Variants in CCDC170 observed in about 807,000 individuals in gnomAD.
CCDC170 encodes coiled-coil domain-containing protein 170.
In CCDC170, 69 loss-of-function variants were observed where a neutral mutation model predicts 72.6. The observed-to-expected ratio is 0.95, with a 90% CI of 0.78 to 1.16. The LOEUF is 1.16. Among genes scored for constraint, CCDC170 ranks in the 50% most tolerant of loss-of-function variants. The probability of loss-of-function intolerance (pLI) is 0.00; values close to 1 mark genes in which losing one functional copy is unlikely to be tolerated. For missense variants in CCDC170, 852 were observed against 832.5 expected (o/e 1.02, Z -0.29); for synonymous variants, 300 against 303.9 (o/e 0.99, Z 0.13).
chr6:151,526,113 T>TTCCTTTCTTCCTTCCTTCCTTCCC, intron 1 of CCDC170, among the ~76,000 whole-genome samples: 1 of 149,274 alleles, frequency 6.7e-6, no homozygotes, highest in Non-Finnish European at 1.5e-5. Flanking sequence ...CCTTCCTTCC[T>TTCCTTTCTTCCTTCCTTCCTTCCC]TCCTTTCTTC....
chr6:151,501,164 C>A (rs976527668), intron 1 of CCDC170, among the ~76,000 whole-genome samples: 3 of 126,066 alleles, frequency 2.4e-5, no homozygotes, highest in Non-Finnish European at 3.8e-5. Context: ...AAAATAATGA[C>A]TATCTAATTA....
At position 151,620,146 on chromosome 6, in the gene CCDC170, C is replaced by G. The variant is rs1191989160; in HGVS notation, c.*1999C>G. ...TAAAATGGGAAAAAATAGTGAAGAT[C>G]TTCTTTTAGGAAAACTACCAATAAA... On this transcript the variant is annotated 3_prime_UTR_variant, in exon 11 of 11. Transcript: ENST00000239374. The G allele has an allele frequency of 8.1e-6, 1 of 123,940 alleles. No homozygotes were observed. Among genetic ancestry groups the G allele is most frequent in the African/African-American group, 3.1e-5 (1 of 32,620 alleles). The allele number at this position is 123,940 out of a possible 1,614,324, so 7.7% of individuals were successfully genotyped here.
chr6:151,499,755 T>C (rs573194025), intron 1 of CCDC170, among the ~76,000 whole-genome samples: 1 of 149,472 alleles, frequency 6.7e-6, no homozygotes, highest in Non-Finnish European at 1.5e-5. Context: ...CGTTTCTTCA[T>C]GATGTAACAT....
chr6:151,573,177 C>G lies in CCDC170; in HGVS notation c.778C>G (p.Leu260Val). The G allele has an allele frequency of 6.2e-7, 1 of 1,609,706 alleles. No homozygotes were observed. Among genetic ancestry groups the G allele is most frequent in the Non-Finnish European group, 8.5e-7 (1 of 1,178,050 alleles). ...TCACTTTCTGTAATCATTTTAGGAC[C>G]TGCTCAGTGCTGTAGAAGCAAAAGA... ...TEEKEKLNQD[L>V]LSAVEAKEAL... The change falls in exon 6 of 11, where the codon CTG becomes GTG. Residue 260 changes from leucine to valine, a missense_variant. Leu to Val is a conservative substitution (Grantham distance 32). Transcript: ENST00000239374.
At chr6:151,602,658 C>A (rs1045826757) in intron 9 of CCDC170, among the ~76,000 whole-genome samples, 1 of 152,156 alleles carries the variant, frequency 6.6e-6, no homozygotes, top group Admixed American at 6.5e-5. Flanking sequence ...CACATGCTCT[C>A]ACTCTTGCCT....
chr6:151,597,200 C>G (rs999559055), intron 9 of CCDC170, among the ~76,000 whole-genome samples: 1 of 151,974 alleles, frequency 6.6e-6, no homozygotes, highest in African/African-American at 2.4e-5. Context: ...TCTTGACTCA[C>G]TCACTGCAAA....
intron 1 of CCDC170, among the ~76,000 whole-genome samples, chr6:151,514,371 GGGAGGAA>G (rs1782202270): frequency 8.1e-6 from 1 of 122,906 alleles, no homozygotes; most frequent in African/African-American, 3.6e-5. Context: ...GAGGGAGGGA[GGGAGGAA>G]GGAAGGAAGG....
intron 3 of CCDC170, among the ~76,000 whole-genome samples, chr6:151,540,870 G>C (rs1442496225): frequency 6.6e-6 from 1 of 152,138 alleles, no homozygotes; most frequent in South Asian, 2.1e-4. Context: ...GCCTCTGACT[G>C]TGCCCCCTGC....
intron 9 of CCDC170, among the ~76,000 whole-genome samples, chr6:151,608,376 T>A (rs1284549341): frequency 6.6e-6 from 1 of 152,226 alleles, no homozygotes; most frequent in Non-Finnish European, 1.5e-5. Context: ...TACTTGCTTT[T>A]TTCATGTGTC....
chr6:151,592,991 T>C, intron 7 of CCDC170, 116 bp from the exon 8 acceptor site: 2 of 1,125,460 alleles, frequency 1.8e-6, no homozygotes, highest in Non-Finnish European at 2.6e-6. Context: ...CTCCGTTCCA[T>C]GCTCTCTGCA....
chr6:151,588,608 G>C (rs950137107), intron 7 of CCDC170, among the ~76,000 whole-genome samples: 6 of 152,284 alleles, frequency 3.9e-5, no homozygotes, highest in African/African-American at 1.4e-4. Context: ...TTTTCTGTTA[G>C]ATGTCTGTAA....
intron 9 of CCDC170, among the ~76,000 whole-genome samples, chr6:151,600,994 C>T (rs77522146): frequency 0.057 from 8,711 of 152,194 alleles, 299 homozygotes; most frequent in South Asian, 0.096. Flanking sequence ...CCATATAATA[C>T]GTGGCCTTTG....
At chr6:151,582,338 C>A (rs1562289869) in intron 6 of CCDC170, among the ~76,000 whole-genome samples, 3 of 152,182 alleles carry the variant, frequency 2.0e-5, no homozygotes, top group Admixed American at 6.5e-5. Context: ...GGCTTCTTTC[C>A]TTAAATCTCA....
intron 1 of CCDC170, among the ~76,000 whole-genome samples, chr6:151,510,368 GAGTTATTTATTAC>G (rs1782130796): frequency 2.6e-5 from 4 of 152,126 alleles, no homozygotes; most frequent in Admixed American, 2.6e-4. Context: ...TTCTAGAAAT[GAGTTATTTATTAC>G]AGTAAAAACT....
At chr6:151,557,593 GTT>G in intron 5 of CCDC170, among the ~76,000 whole-genome samples, 1 of 152,108 alleles carries the variant, frequency 6.6e-6, no homozygotes, top group Non-Finnish European at 1.5e-5. Context: ...TACATTTTTA[GTT>G]TTTTTAAGAA....
intron 5 of CCDC170, among the ~76,000 whole-genome samples, chr6:151,567,555 C>T (rs992125328): frequency 6.6e-6 from 1 of 152,130 alleles, no homozygotes; most frequent in African/African-American, 2.4e-5. Flanking sequence ...TTTCAAAATC[C>T]ATCTTCAATC....
At chr6:151,572,653 T>TTTTTTTTTTTTTTTTTTTTTTTTTTTTG (rs1776237615) in intron 5 of CCDC170, among the ~76,000 whole-genome samples, 3 of 100,500 alleles carry the variant, frequency 3.0e-5, no homozygotes, top group South Asian at 3.3e-4. Flanking sequence ...CTCTGTGTTT[T>TTTTTTTTTTTTTTTTTTTTTTTTTTTTG]TTTTTTTTTT....
At chr6:151,573,091 AG>A in intron 5 of CCDC170, 82 bp from the exon 6 acceptor site, 1 of 1,286,468 alleles carries the variant, frequency 7.8e-7, no homozygotes, top group South Asian at 1.4e-5. Flanking sequence ...TAGCAGGCAA[AG>A]TCAATGAATT....
intron 1 of CCDC170, among the ~76,000 whole-genome samples, chr6:151,508,884 G>A (rs905508434): frequency 2.0e-5 from 3 of 151,116 alleles, no homozygotes; most frequent in Non-Finnish European, 4.4e-5. Context: ...GCGTGGTGGC[G>A]AACGCCTGTA....
Sources: gnomAD v4.1 joint callset for allele counts (sites outside exome capture counted in the v4.1 genomes callset) on GRCh38, gnomAD v4.1.1 for gene constraint, MANE v1.5 for transcripts, NCBI Gene and HGNC (gene_info 2026-07-23, HGNC 2026-07-21) for gene names.